STXBP5L: variants seen among roughly 807,000 people sequenced by gnomAD.
STXBP5L encodes syntaxin-binding protein 5-like.
A neutral mutation model predicts 144.5 loss-of-function variants in STXBP5L; 65 were observed. The ratio of observed to expected loss-of-function variants is 0.45; its 90% CI spans 0.37 to 0.55. The LOEUF (loss-of-function observed/expected upper bound fraction) is 0.55. Ranked by LOEUF, STXBP5L falls within the 20% of genes least tolerant of loss-of-function variation. STXBP5L has a pLI of 0.00. For synonymous variants in STXBP5L, 505 were observed against 469.6 expected, an observed-to-expected ratio of 1.08 and a Z score of -0.97; for missense variants, 1,298 against 1,405.5, an observed-to-expected ratio of 0.92 and a Z score of 1.22.
chr3:121,319,181 A>G (rs2043888961), intron 20 of STXBP5L, among the ~76,000 whole-genome samples: 1 of 151,910 alleles, frequency 6.6e-6, no homozygotes, highest in South Asian at 2.1e-4. Flanking sequence ...GATAATTCTG[A>G]TTTTTCTATA....
chr3:120,931,850 G>A (rs1402787678), intron 2 of STXBP5L, among the ~76,000 whole-genome samples: 1 of 152,144 alleles, frequency 6.6e-6, no homozygotes, highest in Admixed American at 6.5e-5. Flanking sequence ...TTATGTAATT[G>A]TTGGATAACA....
chr3:121,262,783 A>G (rs1795384), intron 18 of STXBP5L, among the ~76,000 whole-genome samples: 74,454 of 152,096 alleles, frequency 0.49, 18,683 homozygotes, highest in East Asian at 0.73. Flanking sequence ...CCATTCTAAA[A>G]GGAAGAATTA....
intron 3 of STXBP5L, among the ~76,000 whole-genome samples, chr3:120,956,615 G>A (rs1273927708): frequency 6.6e-6 from 1 of 151,770 alleles, no homozygotes; most frequent in Non-Finnish European, 1.5e-5. Flanking sequence ...TAGCTATTAT[G>A]AATAATATTG....
At chr3:121,395,085 T>G (rs146402031) in intron 22 of STXBP5L, among the ~76,000 whole-genome samples, 179 of 152,338 alleles carry the variant, frequency 1.2e-3, no homozygotes, top group Non-Finnish European at 1.9e-3. Context: ...TTGTGAAAAT[T>G]CAATGAACTA....
At chr3:120,995,516 A>T (rs552465482) in intron 3 of STXBP5L, among the ~76,000 whole-genome samples, 3 of 150,856 alleles carry the variant, frequency 2.0e-5, no homozygotes, top group African/African-American at 7.3e-5. Flanking sequence ...AACATTTTTA[A>T]TGATTTAATG....
chr3:121,250,969 C>G (rs2050008748), intron 15 of STXBP5L, among the ~76,000 whole-genome samples: 1 of 152,120 alleles, frequency 6.6e-6, no homozygotes, highest in African/African-American at 2.4e-5. Flanking sequence ...ATAAGGTAAA[C>G]AAGACTAAGT....
At chr3:121,297,628 C>CA (rs2051711285) in intron 19 of STXBP5L, among the ~76,000 whole-genome samples, 6 of 152,096 alleles carry the variant, frequency 3.9e-5, no homozygotes. Context: ...GTGGCTCATG[C>CA]CTGTAGTCTC....
intron 7 of STXBP5L, among the ~76,000 whole-genome samples, chr3:121,144,631 G>T (rs1227162527): frequency 1.3e-5 from 2 of 151,870 alleles, no homozygotes; most frequent in Non-Finnish European, 2.9e-5. Flanking sequence ...TTATACAAGA[G>T]AATTGAAATC....
chr3:120,916,544 G>A (rs1205417535), intron 2 of STXBP5L, among the ~76,000 whole-genome samples: 7 of 151,962 alleles, frequency 4.6e-5, no homozygotes, highest in South Asian at 2.1e-4. Context: ...CAGGTGATCC[G>A]CCCACCCCAG....
chr3:121,331,932 A>G (rs2044332727), intron 20 of STXBP5L, among the ~76,000 whole-genome samples: 2 of 152,270 alleles, frequency 1.3e-5, no homozygotes, highest in African/African-American at 2.4e-5. Flanking sequence ...TTGCCACCAC[A>G]ACCAGCATCT....
rs917762726 is a variant in STXBP5L at position 121,271,095 on chromosome 3, A to G, written c.1959-8710A>G. On this transcript the variant is annotated intron_variant, in intron 18 of 26. Transcript: ENST00000471454. ...TACTCATCAAACTTTCACCCATTAC[A>G]TTTAGCATCCATTGGTTATTCTCTG... Among the ~76,000 whole-genome samples, 4 of 152,320 alleles carry G rather than the reference A, an allele frequency of 2.6e-5. No homozygotes were observed. In the South Asian group the frequency reaches 6.2e-4, roughly 24 times the overall value.
intron 7 of STXBP5L, among the ~76,000 whole-genome samples, chr3:121,144,805 C>T (rs2107955914): frequency 6.6e-6 from 1 of 151,970 alleles, no homozygotes; most frequent in East Asian, 1.9e-4. Context: ...GGTATTTCTA[C>T]AATGGAATAC....
intron 20 of STXBP5L, among the ~76,000 whole-genome samples, chr3:121,353,198 A>C (rs1386052493): frequency 6.6e-6 from 1 of 152,196 alleles, no homozygotes; most frequent in African/African-American, 2.4e-5. Flanking sequence ...TGGCCTCATA[A>C]AATGAGTTTG....
chr3:121,271,058 T>G (rs2050720909), intron 18 of STXBP5L, among the ~76,000 whole-genome samples: 1 of 152,190 alleles, frequency 6.6e-6, no homozygotes, highest in Non-Finnish European at 1.5e-5. Context: ...ACTTGAAAGT[T>G]TTTAAACTTC....
At chr3:121,085,359 TAGAA>T (rs1392358682) in intron 5 of STXBP5L, among the ~76,000 whole-genome samples, 2 of 152,272 alleles carry the variant, frequency 1.3e-5, no homozygotes, top group East Asian at 1.9e-4. Flanking sequence ...GTTTTACAAA[TAGAA>T]AGAGAGGAAG....
intron 5 of STXBP5L, among the ~76,000 whole-genome samples, chr3:121,090,409 C>T (rs994502642): frequency 6.6e-6 from 1 of 152,154 alleles, no homozygotes; most frequent in African/African-American, 2.4e-5. Context: ...TACCTCCTTA[C>T]TGCTCCTCAA....
Position 121,071,494 on chromosome 3 carries a change from G to T in STXBP5L, c.470+25959G>T, listed in dbSNP as rs112380783. On this transcript the variant is annotated intron_variant, in intron 5 of 26. Transcript: ENST00000471454. ...TTCACTGCAGGATCAGCCATGTTGG[G>T]TGGTCTTGGTTTTGTTGACTGGTCC... Among the ~76,000 whole-genome samples the T allele has an allele frequency of 2.5e-3, 381 of 152,334 alleles. 2 individuals are homozygous for T. The highest frequency in any genetic ancestry group is 8.6e-3 in the African/African-American group (358 of 41,584).
intron 3 of STXBP5L, among the ~76,000 whole-genome samples, chr3:121,023,173 G>A (rs1945686239): frequency 6.6e-6 from 1 of 151,828 alleles, no homozygotes; most frequent in Non-Finnish European, 1.5e-5. Flanking sequence ...AAAATACTTA[G>A]GAATATACTT....
intron 3 of STXBP5L, among the ~76,000 whole-genome samples, chr3:121,028,836 C>T (rs749939241): frequency 2.0e-5 from 3 of 152,042 alleles, no homozygotes; most frequent in Non-Finnish European, 4.4e-5. Context: ...TAATTCCTGA[C>T]AACAACTGCC....
Sources: gnomAD v4.1 joint callset for allele counts (sites outside exome capture counted in the v4.1 genomes callset) on GRCh38, gnomAD v4.1.1 for gene constraint, MANE v1.5 for transcripts, NCBI Gene and HGNC (gene_info 2026-07-23, HGNC 2026-07-21) for gene names.